Variants in AFF3 observed in about 807,000 individuals in gnomAD.
AFF3 encodes the protein ALF transcription elongation factor 3, also known as AF4/FMR2 family member 3.
Under a neutral mutation model 129.7 loss-of-function variants are expected in AFF3, and 32 were observed. The observed-to-expected ratio is 0.25, with a 90% confidence interval of 0.19 to 0.33. The LOEUF is 0.33. AFF3 is among the 10% of genes least tolerant of loss of function. AFF3 has a pLI of 1.00. For synonymous variants in AFF3, 644 were observed against 635.4 expected (o/e 1.01, Z -0.20); for missense variants, 1,373 against 1,592.0 (o/e 0.86, Z 2.34).
intron 7 of AFF3, among the ~76,000 whole-genome samples, chr2:99,966,679 G>A (rs1356436747): frequency 3.6e-5 from 3 of 83,952 alleles, no homozygotes; most frequent in Non-Finnish European, 6.2e-5. Context: ...GACAGAGCGA[G>A]ACTCCGTCTC....
At chr2:99,641,740 T>G (rs1684210780) in intron 13 of AFF3, among the ~76,000 whole-genome samples, 1 of 152,158 alleles carries the variant, frequency 6.6e-6, no homozygotes, top group Non-Finnish European at 1.5e-5. Context: ...AATATCTCTT[T>G]AAGGCCCTCA....
intron 14 of AFF3, among the ~76,000 whole-genome samples, chr2:99,597,516 A>G (rs1679406707): frequency 6.6e-6 from 1 of 152,260 alleles, no homozygotes; most frequent in Admixed American, 6.5e-5. Context: ...AGATTGCCAC[A>G]TCTCTCCTCC....
intron 8 of AFF3, among the ~76,000 whole-genome samples, chr2:99,817,393 T>A (rs1414606014): frequency 6.6e-6 from 1 of 152,196 alleles, no homozygotes; most frequent in Non-Finnish European, 1.5e-5. Flanking sequence ...TCCTGACACG[T>A]CTATCTCTCT....
At chr2:99,983,998 T>TA (rs1679634233) in intron 7 of AFF3, among the ~76,000 whole-genome samples, 1 of 151,880 alleles carries the variant, frequency 6.6e-6, no homozygotes, top group Non-Finnish European at 1.5e-5. Context: ...AAAAATAAAA[T>TA]AAAAAAGCTC....
chr2:99,702,324 A>T (rs1209738885), intron 11 of AFF3, among the ~76,000 whole-genome samples: 1 of 151,852 alleles, frequency 6.6e-6, no homozygotes, highest in East Asian at 1.9e-4. Context: ...ATCTCATCTC[A>T]TTGTGGTTTT....
intron 7 of AFF3, among the ~76,000 whole-genome samples, chr2:99,862,187 C>A (rs1691048354): frequency 1.3e-5 from 2 of 152,056 alleles, no homozygotes; most frequent in South Asian, 4.2e-4. Flanking sequence ...TCTATACTTC[C>A]TATTTTTTTT....
intron 7 of AFF3, among the ~76,000 whole-genome samples, chr2:99,921,348 G>A (rs1695845515): frequency 6.6e-6 from 1 of 152,096 alleles, no homozygotes; most frequent in African/African-American, 2.4e-5. Flanking sequence ...AGGGAAGACT[G>A]AGGAACTACA....
chr2:99,564,931 C>T (rs1295170708), intron 20 of AFF3, among the ~76,000 whole-genome samples: 1 of 152,138 alleles, frequency 6.6e-6, no homozygotes, highest in African/African-American at 2.4e-5. Flanking sequence ...AGGTGCCTTT[C>T]CAGGTCTCCA....
At chr2:100,099,614 T>C (rs1373702120) in intron 4 of AFF3, among the ~76,000 whole-genome samples, 3 of 152,038 alleles carry the variant, frequency 2.0e-5, no homozygotes, top group Non-Finnish European at 4.4e-5. Flanking sequence ...ACCATGAATA[T>C]CTTACTTTCA....
In AFF3 at chr2:99,578,363, C is replaced by T. The variant is rs76628527; in HGVS notation, c.2882G>A (p.Arg961Lys). 2,172 of 1,607,450 alleles carry T rather than the reference C, an allele frequency of 1.4e-3. 21 individuals carry two copies. The African/African-American group carries it at 0.026, about 19-fold the overall frequency. ...GACAAGTTTCTGCCTCTTGCAGTCC[C>T]TGTGGCCGTTGGAGCCTGGAGACCA... is the stretch of plus-strand genomic sequence containing the variant. The part of the protein sequence containing the change: ...KPWSPGSNGH[R>K]DCKRQKLVFD... Residue 961 changes from arginine (R) to lysine (K), a missense_variant, in exon 18 of 25, where the codon AGG becomes AAG. By Grantham distance (26) the Arg-to-Lys change is conservative (BLOSUM62 2). Coordinates refer to ENST00000672756, the MANE Select transcript of AFF3 (RefSeq NM_001386135.1).
chr2:100,122,993 T>A (rs1286631753), intron 2 of AFF3, among the ~76,000 whole-genome samples: 2 of 152,244 alleles, frequency 1.3e-5, no homozygotes, highest in Admixed American at 1.3e-4. Flanking sequence ...AAATGCTTAT[T>A]TTTGAATTTT....
At chr2:99,900,474 T>A (rs1694265966) in intron 7 of AFF3, among the ~76,000 whole-genome samples, 1 of 152,110 alleles carries the variant, frequency 6.6e-6, no homozygotes, top group Non-Finnish European at 1.5e-5. Context: ...CAGAAGCTCC[T>A]TATTTTAATT....
intron 10 of AFF3, among the ~76,000 whole-genome samples, chr2:99,743,741 T>G (rs1680912599): frequency 1.3e-5 from 2 of 152,176 alleles, no homozygotes; most frequent in Admixed American, 1.3e-4. Context: ...GTCTACTGAT[T>G]GATTTTCTTT....
At chr2:100,009,628 G>C (rs376480696) in intron 4 of AFF3, among the ~76,000 whole-genome samples, 1 of 152,174 alleles carries the variant, frequency 6.6e-6, no homozygotes, top group Admixed American at 6.5e-5. Context: ...GCCTTTTGTT[G>C]AAGAAAATTA....
chr2:99,842,187 G>C (rs937872804), intron 7 of AFF3, among the ~76,000 whole-genome samples: 2 of 152,154 alleles, frequency 1.3e-5, no homozygotes, highest in Non-Finnish European at 2.9e-5. Flanking sequence ...TAGATAGGTA[G>C]GGTTGGGGTT....
At chr2:99,775,815 A>G (rs193063579) in intron 8 of AFF3, among the ~76,000 whole-genome samples, 1 of 152,344 alleles carries the variant, frequency 6.6e-6, no homozygotes, top group East Asian at 1.9e-4. Flanking sequence ...TAGATTCTCA[A>G]GATGACTATT....
chr2:99,558,797 G>A, intron 22 of AFF3, 78 bp downstream of exon 22: 22 of 1,392,582 alleles, frequency 1.6e-5, no homozygotes, highest in Non-Finnish European at 2.1e-5. Context: ...AAGCAATGGA[G>A]TCTACCAGGT....
chr2:99,555,590 A>G (rs538905690), intron 22 of AFF3, among the ~76,000 whole-genome samples: 2 of 152,340 alleles, frequency 1.3e-5, no homozygotes, highest in East Asian at 3.9e-4. Context: ...GAAGTTGCTC[A>G]ATGCACAGTT....
intron 4 of AFF3, among the ~76,000 whole-genome samples, chr2:100,034,329 G>T (rs1573198502): frequency 6.6e-6 from 1 of 152,098 alleles, no homozygotes; most frequent in Non-Finnish European, 1.5e-5. Context: ...GTATTAACAT[G>T]CCTGTAAACA....
Sources: gnomAD v4.1 joint callset for allele counts (sites outside exome capture counted in the v4.1 genomes callset) on GRCh38, gnomAD v4.1.1 for gene constraint, MANE v1.5 for transcripts, NCBI Gene and HGNC (gene_info 2026-07-23, HGNC 2026-07-21) for gene names.